Variants in EML5 observed in about 807,000 individuals in gnomAD.
EML5 encodes EMAP like 5, also known as echinoderm microtubule-associated protein-like 5.
A neutral mutation model predicts 250.0 loss-of-function variants in EML5; 120 were observed. The ratio of observed to expected loss-of-function variants is 0.48; its 90% confidence interval spans 0.41 to 0.56. The LOEUF (loss-of-function observed/expected upper bound fraction) is 0.56, where lower values mean the gene tolerates loss of function less well. Ranked by LOEUF, EML5 falls within the 20% of genes least tolerant of loss-of-function variation. The pLI is 0.00. For missense variants in EML5, 2,006 were observed against 2,437.6 expected, an observed-to-expected ratio of 0.82 and a Z score of 3.73; for synonymous variants, 771 against 806.5, an observed-to-expected ratio of 0.96 and a Z score of 0.75.
chr14:88,653,155 G>T (rs1005339600), intron 27 of EML5, among the ~76,000 whole-genome samples: 3 of 152,166 alleles, frequency 2.0e-5, no homozygotes, highest in African/African-American at 7.2e-5. Flanking sequence ...TGTATCCTGA[G>T]ACTTTGCTGA....
chr14:88,706,038 T>C (rs926473464), intron 11 of EML5, among the ~76,000 whole-genome samples: 1 of 152,198 alleles, frequency 6.6e-6, no homozygotes, highest in African/African-American at 2.4e-5. Flanking sequence ...TCACTCATTA[T>C]TTGATAGATT....
At chr14:88,687,111 A>G in intron 19 of EML5, 105 bp downstream of exon 19, 2 of 846,154 alleles carry the variant, frequency 2.4e-6, no homozygotes, top group Admixed American at 3.0e-5. Context: ...GATGCCCAAC[A>G]AGACGGAAAA....
At chr14:88,666,571 G>T (rs577046011) in intron 21 of EML5, among the ~76,000 whole-genome samples, 1 of 152,026 alleles carries the variant, frequency 6.6e-6, no homozygotes, top group Non-Finnish European at 1.5e-5. Context: ...CATTATTAAA[G>T]GTAGGAAGAT....
intron 9 of EML5, among the ~76,000 whole-genome samples, chr14:88,713,535 T>C (rs1264638900): frequency 2.0e-5 from 3 of 152,080 alleles, no homozygotes; most frequent in Non-Finnish European, 4.4e-5. Context: ...TGGAGTTCAC[T>C]GGCACGATCT....
chr14:88,679,261 C>T (rs1385849570), intron 21 of EML5, among the ~76,000 whole-genome samples: 2 of 151,152 alleles, frequency 1.3e-5, no homozygotes, highest in Admixed American at 1.3e-4. Context: ...TTCAACATAT[C>T]TTTTCAGGGG....
At chr14:88,704,578 CAATGT>C (rs993801568) in intron 13 of EML5, among the ~76,000 whole-genome samples, 2 of 152,186 alleles carry the variant, frequency 1.3e-5, no homozygotes, top group Non-Finnish European at 2.9e-5. Context: ...ATATTACACA[CAATGT>C]AATGTATTAC....
At chr14:88,692,985 T>C (rs1413284946) in intron 17 of EML5, among the ~76,000 whole-genome samples, 1 of 152,196 alleles carries the variant, frequency 6.6e-6, no homozygotes. Context: ...TGATGTCACA[T>C]TGATGGAATT....
intron 27 of EML5, 91 bp downstream of exon 27, chr14:88,657,285 C>T: frequency 1.6e-6 from 2 of 1,256,250 alleles, no homozygotes. Flanking sequence ...ATCACTGTTA[C>T]TTAGTTTGTG....
intron 36 of EML5, 134 bp from the exon 37 acceptor site, chr14:88,622,852 T>A: frequency 1.9e-6 from 1 of 529,980 alleles, no homozygotes; most frequent in East Asian, 3.2e-5. Flanking sequence ...CCTCTAATAT[T>A]CTTGTAAACT....
At chr14:88,703,894 C>T (rs1219028545) in intron 13 of EML5, among the ~76,000 whole-genome samples, 1 of 151,966 alleles carries the variant, frequency 6.6e-6, no homozygotes, top group Non-Finnish European at 1.5e-5. Context: ...TTAAAGAGGC[C>T]CATTTCCATA....
chr14:88,689,607 G>A (rs960134807), intron 17 of EML5, among the ~76,000 whole-genome samples: 23 of 151,978 alleles, frequency 1.5e-4, no homozygotes, highest in African/African-American at 4.8e-4. Flanking sequence ...GGTGGTGTAC[G>A]CCTGTGGTCC....
At chr14:88,686,868 CAG>C (rs954580495) in intron 19 of EML5, among the ~76,000 whole-genome samples, 1 of 152,130 alleles carries the variant, frequency 6.6e-6, no homozygotes, top group Non-Finnish European at 1.5e-5. Context: ...GCTACAGAAA[CAG>C]GGTCAACAAA....
At chr14:88,694,218 T>C in intron 17 of EML5, 89 bp downstream of exon 17, 1 of 822,276 alleles carries the variant, frequency 1.2e-6, no homozygotes, top group Non-Finnish European at 2.0e-6. Flanking sequence ...CAGGATGCAG[T>C]CTAGGGTACA....
intron 27 of EML5, among the ~76,000 whole-genome samples, chr14:88,651,341 G>A (rs1258918976): frequency 6.6e-6 from 1 of 151,670 alleles, no homozygotes; most frequent in South Asian, 2.1e-4. Context: ...AAAGTTAGCT[G>A]CAGAATATAC....
At chr14:88,692,981 C>T (rs1161871359) in intron 17 of EML5, among the ~76,000 whole-genome samples, 1 of 152,048 alleles carries the variant, frequency 6.6e-6, no homozygotes, top group East Asian at 1.9e-4. Flanking sequence ...ATTTTGATGT[C>T]ACATTGATGG....
At chr14:88,791,852 T>C (rs558866550) in intron 1 of EML5, among the ~76,000 whole-genome samples, 2 of 152,320 alleles carry the variant, frequency 1.3e-5, no homozygotes, top group Admixed American at 6.5e-5. Context: ...GACGCCACCC[T>C]GGGCGCGCTC....
intron 27 of EML5, among the ~76,000 whole-genome samples, chr14:88,651,209 G>A (rs1356182734): frequency 1.4e-5 from 2 of 146,704 alleles, no homozygotes; most frequent in Non-Finnish European, 1.5e-5. Context: ...ACTCTGCCAC[G>A]GGGGCCAACA....
intron 1 of EML5, among the ~76,000 whole-genome samples, chr14:88,756,079 C>T (rs1278838259): frequency 6.6e-6 from 1 of 151,976 alleles, no homozygotes; most frequent in Admixed American, 6.6e-5. Context: ...AGAGAGGGGT[C>T]TAAGATGACT....
chr14:88,695,685 T>TTATC (rs2093062341), intron 15 of EML5, among the ~76,000 whole-genome samples: 1 of 151,958 alleles, frequency 6.6e-6, no homozygotes, highest in South Asian at 2.1e-4. Flanking sequence ...TCCTTTTCCC[T>TTATC]TATCTATCCA....
Sources: gnomAD v4.1 joint callset for allele counts (sites outside exome capture counted in the v4.1 genomes callset) on GRCh38, gnomAD v4.1.1 for gene constraint, MANE v1.5 for transcripts, NCBI Gene and HGNC (gene_info 2026-07-23, HGNC 2026-07-21) for gene names.